Variants in TRPC4 observed in about 807,000 individuals in gnomAD.
The protein encoded by TRPC4 is short transient receptor potential channel 4.
Under a neutral mutation model 99.4 loss-of-function variants are expected in TRPC4, and 49 were observed. The observed-to-expected ratio is 0.49, with a 90% CI of 0.39 to 0.63. The LOEUF (loss-of-function observed/expected upper bound fraction) is 0.63, where lower values mean the gene tolerates loss of function less well. Among genes scored for constraint, TRPC4 ranks in the 20% least tolerant of loss-of-function variants. The probability of loss-of-function intolerance (pLI) is 0.00; values close to 1 mark genes in which losing one functional copy is unlikely to be tolerated. For synonymous variants in TRPC4, 454 were observed against 425.9 expected (o/e 1.07, Z -0.81); for missense variants, 898 against 1,152.9 (o/e 0.78, Z 3.20).
intron 1 of TRPC4, among the ~76,000 whole-genome samples, chr13:37,835,080 G>A (rs1375789265): frequency 1.3e-5 from 2 of 151,000 alleles, no homozygotes; most frequent in African/African-American, 2.4e-5. Flanking sequence ...GCATATTGTC[G>A]ATGGAAGAAA....
chr13:37,664,348 C>T lies in TRPC4; in HGVS notation c.1375-619G>A, dbSNP rs548332010. On this transcript the variant is annotated intron_variant, in intron 5 of 10. Transcript: ENST00000379705. ...CAGCACTTTGGGAGGCCGAAGCTGG[C>T]GAATTACCTGAGGTTGGGAGTTCGC... is the stretch of plus-strand genomic sequence containing the variant. Among the ~76,000 whole-genome samples the T allele has an allele frequency of 4.6e-5, 7 of 152,070 alleles. No homozygotes were observed. The South Asian group carries it at 6.2e-4, about 14-fold the overall frequency.
chr13:37,725,304 G>A (rs554657472), intron 3 of TRPC4, among the ~76,000 whole-genome samples: 3 of 152,052 alleles, frequency 2.0e-5, no homozygotes, highest in South Asian at 2.1e-4. Flanking sequence ...AGAGAAAGAG[G>A]CAGAGAGAAT....
intron 3 of TRPC4, among the ~76,000 whole-genome samples, chr13:37,698,177 T>TTTTTTTTTTTTTTTTTTTTTTTTC (rs1555259178): frequency 7.2e-5 from 10 of 139,312 alleles, no homozygotes; most frequent in South Asian, 2.4e-4. Flanking sequence ...CTTTTTTTTT[T>TTTTTTTTTTTTTTTTTTTTTTTTC]TGAGTGGGAA....
intron 1 of TRPC4, among the ~76,000 whole-genome samples, chr13:37,801,440 G>T (rs922932455): frequency 6.6e-6 from 1 of 152,068 alleles, no homozygotes; most frequent in Non-Finnish European, 1.5e-5. Context: ...TGTTTAAATT[G>T]GGTGTGAGGG....
intron 2 of TRPC4, among the ~76,000 whole-genome samples, chr13:37,754,174 C>A (rs543565201): frequency 1.3e-5 from 2 of 152,232 alleles, no homozygotes; most frequent in Non-Finnish European, 2.9e-5. Flanking sequence ...CCCCTTTTCA[C>A]GCTTCGTTCT....
At chr13:37,640,335 T>G (rs1202552045) in intron 8 of TRPC4, among the ~76,000 whole-genome samples, 1 of 152,116 alleles carries the variant, frequency 6.6e-6, no homozygotes, top group African/African-American at 2.4e-5. Context: ...CCTACATCAC[T>G]GTGAAATGAT....
chr13:37,839,787 G>A (rs935086244), intron 1 of TRPC4, among the ~76,000 whole-genome samples: 7 of 152,062 alleles, frequency 4.6e-5, no homozygotes, highest in Non-Finnish European at 1.5e-5. Context: ...AACTCCCCTA[G>A]AAAAATTGGG....
chr13:37,650,677 G>A (rs1952018377), intron 8 of TRPC4, among the ~76,000 whole-genome samples: 1 of 149,822 alleles, frequency 6.7e-6, no homozygotes, highest in African/African-American at 2.5e-5. Context: ...CATCTAATAT[G>A]ATAGGGAGTA....
intron 1 of TRPC4, among the ~76,000 whole-genome samples, chr13:37,827,870 C>G (rs1309373119): frequency 6.6e-6 from 1 of 152,186 alleles, no homozygotes; most frequent in Non-Finnish European, 1.5e-5. Flanking sequence ...CCTCCCCTAG[C>G]CTCGCTGCTG....
intron 3 of TRPC4, among the ~76,000 whole-genome samples, chr13:37,708,526 A>C (rs957052448): frequency 6.6e-6 from 1 of 151,940 alleles, no homozygotes; most frequent in Non-Finnish European, 1.5e-5. Flanking sequence ...AGACAATGAT[A>C]TATATTCTTG....
chr13:37,834,626 A>G (rs187373559), intron 1 of TRPC4, among the ~76,000 whole-genome samples: 1 of 152,326 alleles, frequency 6.6e-6, no homozygotes, highest in East Asian at 1.9e-4. Flanking sequence ...CATAGTTTCC[A>G]TGACAGAACC....
chr13:37,834,018 G>A (rs1417594737), intron 1 of TRPC4, among the ~76,000 whole-genome samples: 3 of 151,892 alleles, frequency 2.0e-5, no homozygotes, highest in Non-Finnish European at 2.9e-5. Context: ...TTTATTCATT[G>A]GAATACTATT....
intron 8 of TRPC4, among the ~76,000 whole-genome samples, chr13:37,645,905 T>G (rs1337857696): frequency 6.6e-6 from 1 of 152,228 alleles, no homozygotes; most frequent in African/African-American, 2.4e-5. Flanking sequence ...AAATAAAGTT[T>G]CATCAAAAGG....
intron 1 of TRPC4, among the ~76,000 whole-genome samples, chr13:37,819,006 A>G (rs1433773360): frequency 6.6e-6 from 1 of 152,086 alleles, no homozygotes; most frequent in South Asian, 2.1e-4. Flanking sequence ...AAAAACCATT[A>G]ATAATAGGAA....
intron 2 of TRPC4, among the ~76,000 whole-genome samples, chr13:37,777,310 C>G (rs1353093376): frequency 6.6e-6 from 1 of 151,856 alleles, no homozygotes; most frequent in Non-Finnish European, 1.5e-5. Context: ...AGAAAACTTA[C>G]AATCATGGCA....
At chr13:37,682,922 C>CTTTTT (rs35740848) in intron 4 of TRPC4, among the ~76,000 whole-genome samples, 1 of 109,342 alleles carries the variant, frequency 9.1e-6, no homozygotes, top group African/African-American at 3.4e-5. Flanking sequence ...GCCCAGCTAT[C>CTTTTT]TTTTTTTTTT....
At chr13:37,674,480 C>A (rs567885631) in intron 4 of TRPC4, 113 bp from the exon 5 acceptor site, 8 of 1,105,708 alleles carry the variant, frequency 7.2e-6, no homozygotes, top group Non-Finnish European at 1.0e-5. Flanking sequence ...CATTGTTACA[C>A]TAAATGCAAC....
chr13:37,766,156 A>G (rs1413513330), intron 2 of TRPC4, among the ~76,000 whole-genome samples: 3 of 151,538 alleles, frequency 2.0e-5, no homozygotes, highest in Non-Finnish European at 3.0e-5. Flanking sequence ...AACAAATACT[A>G]TCAAGCTTTC....
At chr13:37,731,081 T>C (rs1955224548) in intron 3 of TRPC4, among the ~76,000 whole-genome samples, 1 of 152,010 alleles carries the variant, frequency 6.6e-6, no homozygotes, top group Admixed American at 6.6e-5. Flanking sequence ...ATATTTTGTA[T>C]AAAAATGAGA....
Sources: gnomAD v4.1 joint callset for allele counts (sites outside exome capture counted in the v4.1 genomes callset) on GRCh38, gnomAD v4.1.1 for gene constraint, MANE v1.5 for transcripts, NCBI Gene and HGNC (gene_info 2026-07-23, HGNC 2026-07-21) for gene names.